Variants in MAP6 observed in about 807,000 individuals in gnomAD.
MAP6 encodes the protein microtubule-associated protein 6.
MAP6 carries 26 observed loss-of-function variants against 42.4 expected under a neutral mutation model. The observed-to-expected ratio is 0.61, with a 90% CI of 0.45 to 0.85. The LOEUF is 0.85. MAP6 is among the 40% of genes least tolerant of loss of function. The pLI is 0.00. For synonymous variants in MAP6, 418 were observed against 443.8 expected, an observed-to-expected ratio of 0.94 and a Z score of 0.73; for missense variants, 966 against 1,099.0, an observed-to-expected ratio of 0.88 and a Z score of 1.71.
rs151137941 is a variant in MAP6, at chr11:75,646,708, G to C, written c.905+20757C>G. Among the ~76,000 whole-genome samples the C allele has an allele frequency of 2.0e-3, 303 of 152,068 alleles. 2 individuals are homozygous for C. Among genetic ancestry groups the C allele is most frequent in the African/African-American group, 6.7e-3 (279 of 41,496 alleles). ...CCAGCTAATCGGGAGGCTGAGGCAGGAGAATCACTTGAACCCAGGAAGTGG... is the reference window on the plus strand; with the variant it reads ...CCAGCTAATCGGGAGGCTGAGGCAGCAGAATCACTTGAACCCAGGAAGTGG... On this transcript the variant is annotated intron_variant, in intron 1 of 3. Transcript: ENST00000304771.
At chr11:75,617,647 T>TA (rs1943022751) in intron 1 of MAP6, among the ~76,000 whole-genome samples, 1 of 151,640 alleles carries the variant, frequency 6.6e-6, no homozygotes, top group South Asian at 2.1e-4. Flanking sequence ...TAAGAAAACT[T>TA]ACGGTTGGCC....
At chr11:75,622,456 T>C (rs1590779283) in intron 1 of MAP6, among the ~76,000 whole-genome samples, 2 of 152,286 alleles carry the variant, frequency 1.3e-5, no homozygotes, top group South Asian at 2.1e-4. Context: ...CACTGAAAAC[T>C]ACATAATGCT....
chr11:75,668,677 C>A lies in MAP6; in HGVS notation c.-308G>T, dbSNP rs1048513578. 2.2e-5 allele frequency: 5 copies of A among 228,184 alleles called. No homozygotes were observed. Among genetic ancestry groups the A allele is most frequent in the Non-Finnish European group, 3.4e-5 (4 of 117,640 alleles). 14.1% of individuals were successfully genotyped at this position (228,184 alleles called of 1,614,324 possible). On this transcript the variant is annotated 5_prime_UTR_variant, in exon 1 of 4. Coordinates refer to ENST00000304771, the MANE Select transcript of MAP6 (RefSeq NM_033063.2). ...CGAGGGTGTCTGGGACGCGCCCCTC[C>A]CTGCGGCTGCGGCGGCGCACAGACC...
intron 1 of MAP6, among the ~76,000 whole-genome samples, chr11:75,638,042 C>T (rs889154132): frequency 1.3e-5 from 2 of 152,190 alleles, no homozygotes; most frequent in African/African-American, 2.4e-5. Flanking sequence ...AGATGTGCTA[C>T]ATCTACATGC....
chr11:75,646,326 C>T (rs775986728), intron 1 of MAP6, among the ~76,000 whole-genome samples: 6 of 151,990 alleles, frequency 3.9e-5, no homozygotes, highest in Non-Finnish European at 7.4e-5. Context: ...AAAGATCCTT[C>T]AGGCAAAGGC....
intron 1 of MAP6, among the ~76,000 whole-genome samples, chr11:75,657,824 C>A (rs1943776550): frequency 6.6e-6 from 1 of 152,194 alleles, no homozygotes; most frequent in African/African-American, 2.4e-5. Flanking sequence ...AATATTGACA[C>A]TTCTGTCTTT....
chr11:75,611,187 C>G lies in MAP6; in HGVS notation c.906-2865G>C, dbSNP rs180936767. On this transcript the variant is annotated intron_variant, in intron 1 of 3. Coordinates refer to ENST00000304771, the MANE Select transcript of MAP6 (RefSeq NM_033063.2). ...GAAGCCTTGCCTGTTAGATGGGCTC[C>G]TGGTATTTGGGCCTGGGCCTCCAGG... Among the ~76,000 whole-genome samples the G allele has an allele frequency of 4.0e-3, 608 of 152,356 alleles. 7 individuals are homozygous for G. The highest frequency in any genetic ancestry group is 0.014 in the African/African-American group (578 of 41,582).
At chr11:75,651,404 C>T (rs775445619) in intron 1 of MAP6, among the ~76,000 whole-genome samples, 1 of 152,144 alleles carries the variant, frequency 6.6e-6, no homozygotes, top group East Asian at 1.9e-4. Flanking sequence ...ACCAGGGCTT[C>T]GGTGAGGCGT....
At chr11:75,597,872 T>C (rs1012269589) in intron 3 of MAP6, among the ~76,000 whole-genome samples, 7 of 152,190 alleles carry the variant, frequency 4.6e-5, no homozygotes, top group South Asian at 2.1e-4. Flanking sequence ...CAGGAGTGGA[T>C]TCACCTTGTG....
At chr11:75,666,682 G>C (rs1943953574) in intron 1 of MAP6, among the ~76,000 whole-genome samples, 1 of 152,178 alleles carries the variant, frequency 6.6e-6, no homozygotes, top group South Asian at 2.1e-4. Context: ...CCGGCACACT[G>C]CCTGGCATAT....
At chr11:75,637,617 C>T (rs959473136) in intron 1 of MAP6, among the ~76,000 whole-genome samples, 7 of 152,176 alleles carry the variant, frequency 4.6e-5, no homozygotes, top group African/African-American at 1.4e-4. Context: ...TGAACCCCAC[C>T]GTGGATTTGC....
intron 1 of MAP6, among the ~76,000 whole-genome samples, chr11:75,621,839 A>G (rs1226164630): frequency 6.6e-6 from 1 of 152,158 alleles, no homozygotes; most frequent in African/African-American, 2.4e-5. Flanking sequence ...CCTGGCCAAC[A>G]CGGGGAAACC....
At chr11:75,657,104 G>T (rs1943762853) in intron 1 of MAP6, among the ~76,000 whole-genome samples, 1 of 150,866 alleles carries the variant, frequency 6.6e-6, no homozygotes, top group Non-Finnish European at 1.5e-5. Flanking sequence ...AATGTGTGGA[G>T]ACACTATTTT....
intron 3 of MAP6, among the ~76,000 whole-genome samples, chr11:75,592,548 A>G (rs1260230948): frequency 1.3e-5 from 2 of 151,794 alleles, no homozygotes; most frequent in African/African-American, 2.4e-5. Flanking sequence ...TATCTCTTGA[A>G]TATTCCCACT....
chr11:75,592,176 T>C (rs1942489360), intron 3 of MAP6, among the ~76,000 whole-genome samples: 1 of 152,158 alleles, frequency 6.6e-6, no homozygotes, highest in Non-Finnish European at 1.5e-5. Flanking sequence ...TCCCACCTCC[T>C]CCCTGGTCTT....
intron 3 of MAP6, among the ~76,000 whole-genome samples, chr11:75,589,664 C>T (rs547503179): frequency 6.3e-4 from 96 of 152,308 alleles, no homozygotes; most frequent in African/African-American, 2.1e-3. Flanking sequence ...GTGTGCCTGG[C>T]ACATAGTAGG....
intron 1 of MAP6, among the ~76,000 whole-genome samples, chr11:75,613,574 T>C (rs982781942): frequency 6.6e-6 from 1 of 152,150 alleles, no homozygotes; most frequent in African/African-American, 2.4e-5. Flanking sequence ...GCTCTCTAAC[T>C]GCATCACCAA....
At chr11:75,603,532 G>C in intron 3 of MAP6, 1 of 979,056 alleles carries the variant, frequency 1.0e-6, no homozygotes, top group Non-Finnish European at 1.2e-6. Flanking sequence ...GGTTGAAAAA[G>C]ACATGCTACA....
chr11:75,588,497 A>C lies in MAP6; in HGVS notation c.1317-313T>G, dbSNP rs145181370. Among the ~76,000 whole-genome samples the C allele has an allele frequency of 3.4e-3, 525 of 152,236 alleles. 3 individuals are homozygous for C. The highest frequency in any genetic ancestry group is 0.012 in the African/African-American group (495 of 41,522). ...CTGGACTCGGAGTCATCCAGTAGGC[A>C]TCCCAGCAGCCCGTCCACCCCACAT... On this transcript the variant is annotated intron_variant, in intron 3 of 3. Transcript: ENST00000304771.
Sources: allele counts gnomAD v4.1 joint callset (sites outside exome capture counted in the v4.1 genomes callset), GRCh38; gene constraint gnomAD v4.1.1; transcripts MANE v1.5; gene names NCBI Gene and HGNC (gene_info 2026-07-23, HGNC 2026-07-21).